The following IQCH variants were observed in gnomAD, a reference collection of about 807,000 sequenced individuals.
IQCH encodes the protein IQ domain-containing protein H.
Under a neutral mutation model 117.0 loss-of-function variants are expected in IQCH, and 98 were observed. The ratio of observed to expected loss-of-function variants is 0.84; its 90% CI spans 0.71 to 0.99. The LOEUF (loss-of-function observed/expected upper bound fraction) is 0.99. Ranked by LOEUF, IQCH falls within the 50% of genes least tolerant of loss-of-function variation. The pLI, the probability that IQCH is intolerant of heterozygous loss-of-function variation, is 0.00. For synonymous variants in IQCH, 412 were observed against 448.2 expected (o/e 0.92, Z 1.02); for missense variants, 1,102 against 1,243.8 (o/e 0.89, Z 1.72).
At chr15:67,297,868 G>A (rs1811320247) in intron 4 of IQCH, among the ~76,000 whole-genome samples, 1 of 151,968 alleles carries the variant, frequency 6.6e-6, no homozygotes. Flanking sequence ...CTTCTGCACA[G>A]CAAAAAGAAA....
intron 4 of IQCH, among the ~76,000 whole-genome samples, chr15:67,298,084 G>T (rs887050006): frequency 5.9e-5 from 9 of 151,918 alleles, no homozygotes; most frequent in African/African-American, 2.2e-4. Context: ...CGAGGCGGGT[G>T]GATCTTCTGA....
At position 67,418,936 on chromosome 15, in the gene IQCH, C is replaced by T. The variant is rs75094909; in HGVS notation, c.2218+1885C>T. Among the ~76,000 whole-genome samples the T allele has an allele frequency of 1.5e-3, 229 of 152,022 alleles. 3 individuals carry two copies. In the East Asian group the frequency reaches 0.031, roughly 20 times the overall value. ...GGAAGACCATGATGATCTCCAGGCC[C>T]GTCCAGGTCATTAGGAAATTTCCAG... On this transcript the variant is annotated intron_variant, in intron 15 of 20. Transcript: ENST00000335894.
At chr15:67,323,131 T>G (rs1164022683) in intron 4 of IQCH, among the ~76,000 whole-genome samples, 1 of 152,134 alleles carries the variant, frequency 6.6e-6, no homozygotes, top group African/African-American at 2.4e-5. Flanking sequence ...CCTATCTGCC[T>G]AATTATTTAT....
rs544178414 is a variant in IQCH at position 67,352,713 on chromosome 15, A to T, written c.638-4632A>T. Among the ~76,000 whole-genome samples the T allele has an allele frequency of 3.3e-5, 5 of 152,076 alleles. No individual in the cohort carries two copies. In the South Asian group the frequency reaches 1.0e-3, roughly 32 times the overall value. ...TTGTCTTTTGTTTCCTCTCTAGTTGAAATAAGTTCTTTTTGTCTTTTGTGT... is the reference window on the plus strand; with the variant it reads ...TTGTCTTTTGTTTCCTCTCTAGTTGTAATAAGTTCTTTTTGTCTTTTGTGT... On this transcript the variant is annotated intron_variant, in intron 6 of 20. Coordinates refer to ENST00000335894, the MANE Select transcript of IQCH (RefSeq NM_001031715.3).
At chr15:67,331,587 G>A (rs2140640511) in intron 4 of IQCH, among the ~76,000 whole-genome samples, 1 of 152,268 alleles carries the variant, frequency 6.6e-6, no homozygotes, top group Admixed American at 6.5e-5. Context: ...ATACCTATTA[G>A]TTTGGTACAA....
chr15:67,365,432 A>G lies in IQCH; in HGVS notation c.753+5547A>G, dbSNP rs145882016. Among the ~76,000 whole-genome samples, 2 of 152,312 alleles carry G rather than the reference A, an allele frequency of 1.3e-5. No homozygotes were observed. The highest frequency in any genetic ancestry group is 4.8e-5 in the African/African-American group (2 of 41,572). On this transcript the variant is annotated intron_variant, in intron 8 of 20. Transcript: ENST00000335894. The surrounding 1 kb of genome is among the most constrained non-coding windows in gnomAD (Gnocchi z 4.4). ...TTAGTATTCACACTTTCATACATTCATTCATTCAACTAATCCTTTTTGACC... is the reference window on the plus strand; with the variant it reads ...TTAGTATTCACACTTTCATACATTCGTTCATTCAACTAATCCTTTTTGACC...
At chr15:67,307,057 A>G (rs1370390760) in intron 4 of IQCH, 2 of 1,285,766 alleles carry the variant, frequency 1.6e-6, no homozygotes, top group East Asian at 6.1e-5. Context: ...AAAATAGCCA[A>G]ACCAAACATT....
At chr15:67,394,311 C>T (rs1393967099) in intron 12 of IQCH, among the ~76,000 whole-genome samples, 3 of 152,174 alleles carry the variant, frequency 2.0e-5, no homozygotes, top group Admixed American at 2.0e-4. Context: ...GCTTTACATA[C>T]ATTATCTCAT....
chr15:67,304,849 A>G (rs1043010826), intron 4 of IQCH, among the ~76,000 whole-genome samples: 2 of 152,134 alleles, frequency 1.3e-5, no homozygotes, highest in African/African-American at 4.8e-5. Flanking sequence ...CATTGTGTAT[A>G]CTGTCATAAT....
At chr15:67,470,586 T>C (rs1271345736) in intron 17 of IQCH, among the ~76,000 whole-genome samples, 2 of 152,204 alleles carry the variant, frequency 1.3e-5, no homozygotes, top group Non-Finnish European at 2.9e-5. Flanking sequence ...ACTTATACTA[T>C]GAACCATCTA....
intron 16 of IQCH, among the ~76,000 whole-genome samples, chr15:67,434,931 G>A (rs1220551423): frequency 4.7e-5 from 7 of 150,454 alleles, no homozygotes; most frequent in Admixed American, 4.0e-4. Flanking sequence ...GCGTCACCAC[G>A]CCTGTATTTT....
chr15:67,431,312 A>C lies in IQCH; in HGVS notation c.2505+9735A>C, dbSNP rs2082015506. Among the ~76,000 whole-genome samples, 1 of 152,208 alleles carries C rather than the reference A, an allele frequency of 6.6e-6. No homozygotes were observed. The highest frequency in any genetic ancestry group is 1.5e-5 in the Non-Finnish European group (1 of 68,042). ...CCAAATTAAAAAATTCTTTCAGAAC[A>C]AGATCATGTCCTGCATTTGCAGGGA... On this transcript the variant is annotated intron_variant, in intron 16 of 20. Coordinates refer to ENST00000335894, the MANE Select transcript of IQCH (RefSeq NM_001031715.3). The surrounding 1 kb of genome is among the most constrained non-coding windows in gnomAD (Gnocchi z 4.8).
Position 67,308,887 on chromosome 15 carries a change from TA to T in IQCH, c.388-28079del, listed in dbSNP as rs369620414. On this transcript the variant is annotated intron_variant, in intron 4 of 20. Coordinates refer to ENST00000335894, the MANE Select transcript of IQCH (RefSeq NM_001031715.3). ...CTATAGCCTTGTCAGATAACATTCA[TA>T]AAAAAAAATCTAGCTGTAGTGAGTT... Among the ~76,000 whole-genome samples the T allele has an allele frequency of 8.1e-4, 123 of 151,654 alleles. 4 individuals are homozygous for T. In the East Asian group the frequency reaches 0.013, roughly 16 times the overall value.
chr15:67,382,199 G>A (rs757604090), intron 10 of IQCH, among the ~76,000 whole-genome samples: 10 of 152,226 alleles, frequency 6.6e-5, no homozygotes, highest in African/African-American at 1.7e-4. Context: ...GTGAAGAACA[G>A]GTGCAAGAGA....
intron 4 of IQCH, among the ~76,000 whole-genome samples, chr15:67,317,855 T>G (rs1254996487): frequency 6.6e-6 from 1 of 152,074 alleles, no homozygotes; most frequent in East Asian, 1.9e-4. Flanking sequence ...TTGAGCCATA[T>G]TTCTCTCATC....
At chr15:67,379,738 TGAA>T (rs1375728803) in intron 10 of IQCH, among the ~76,000 whole-genome samples, 2 of 152,234 alleles carry the variant, frequency 1.3e-5, no homozygotes, top group Non-Finnish European at 1.5e-5. Context: ...TGCCACCATG[TGAA>T]GAAGGTCTTT....
chr15:67,287,906 C>G (rs1038952428), intron 4 of IQCH, among the ~76,000 whole-genome samples: 1 of 151,906 alleles, frequency 6.6e-6, no homozygotes, highest in Non-Finnish European at 1.5e-5. Flanking sequence ...TTAGCATTGC[C>G]TTCACTATAT....
chr15:67,377,999 CAT>C (rs990673053), intron 10 of IQCH, among the ~76,000 whole-genome samples: 7 of 152,062 alleles, frequency 4.6e-5, no homozygotes, highest in Non-Finnish European at 1.0e-4. Flanking sequence ...TTTTCCAGCT[CAT>C]GTGTACTTTC....
At chr15:67,334,394 A>T (rs1333439668) in intron 4 of IQCH, among the ~76,000 whole-genome samples, 2 of 151,912 alleles carry the variant, frequency 1.3e-5, no homozygotes, top group South Asian at 2.1e-4. Context: ...CCCATACCCT[A>T]TACTCCAGTC....
Sources: allele counts gnomAD v4.1 joint callset (sites outside exome capture counted in the v4.1 genomes callset), GRCh38; gene constraint gnomAD v4.1.1; non-coding constraint Gnocchi (gnomAD v3.1); transcripts MANE v1.5; gene names NCBI Gene and HGNC (gene_info 2026-07-23, HGNC 2026-07-21).